The following MEF2A variants were observed in gnomAD, a reference collection of about 807,000 sequenced individuals.
The protein encoded by MEF2A is myocyte-specific enhancer factor 2A.
Under a neutral mutation model 55.8 loss-of-function variants are expected in MEF2A, and 28 were observed. The ratio of observed to expected loss-of-function variants is 0.50; its 90% CI spans 0.37 to 0.69. The LOEUF (loss-of-function observed/expected upper bound fraction) is 0.69, where lower values mean the gene tolerates loss of function less well. Among genes scored for constraint, MEF2A ranks in the 30% least tolerant of loss-of-function variants. The probability of loss-of-function intolerance (pLI) is 0.00; values close to 1 mark genes in which losing one functional copy is unlikely to be tolerated. For synonymous variants in MEF2A, 239 were observed against 227.1 expected, an observed-to-expected ratio of 1.05 and a Z score of -0.47; for missense variants, 528 against 626.2, an observed-to-expected ratio of 0.84 and a Z score of 1.67.
At chr15:99,669,353 T>A (rs1436185601) in intron 4 of MEF2A, among the ~76,000 whole-genome samples, 1 of 152,256 alleles carries the variant, frequency 6.6e-6, no homozygotes, top group Admixed American at 6.5e-5. Context: ...CTGTTTCTAG[T>A]GCTGTGTAGG....
intron 1 of MEF2A, among the ~76,000 whole-genome samples, chr15:99,585,994 G>C (rs759072234): frequency 6.6e-6 from 1 of 151,820 alleles, no homozygotes; most frequent in Non-Finnish European, 1.5e-5. Context: ...AAATGTTTTC[G>C]TGATTCATCT....
intron 7 of MEF2A, 110 bp from the exon 8 acceptor site, chr15:99,690,131 G>A: frequency 9.6e-7 from 1 of 1,038,802 alleles, no homozygotes; most frequent in Non-Finnish European, 1.4e-6. Context: ...CCTGTAGTGA[G>A]TTTTGTTATA....
chr15:99,612,932 A>G (rs1232286217), intron 2 of MEF2A, among the ~76,000 whole-genome samples: 1 of 152,132 alleles, frequency 6.6e-6, no homozygotes, highest in African/African-American at 2.4e-5. Flanking sequence ...AAAAAAGGAA[A>G]AGACCAAGAA....
chr15:99,579,935 A>G (rs951255454), intron 1 of MEF2A, among the ~76,000 whole-genome samples: 6 of 150,864 alleles, frequency 4.0e-5, no homozygotes, highest in Admixed American at 6.6e-5. Flanking sequence ...CCTTTTGCCC[A>G]TTTTTGCCTG....
intron 1 of MEF2A, among the ~76,000 whole-genome samples, chr15:99,587,556 C>G (rs1015279588): frequency 1.3e-5 from 2 of 152,168 alleles, no homozygotes; most frequent in Non-Finnish European, 2.9e-5. Flanking sequence ...ACAGTATTAA[C>G]TGAGTGTTCA....
At chr15:99,669,107 A>G (rs2050364464) in intron 4 of MEF2A, among the ~76,000 whole-genome samples, 1 of 152,234 alleles carries the variant, frequency 6.6e-6, no homozygotes, top group Non-Finnish European at 1.5e-5. Flanking sequence ...TAATTGTTGA[A>G]CAAAAGCTGC....
chr15:99,622,363 C>T (rs906449418), intron 2 of MEF2A, among the ~76,000 whole-genome samples: 1 of 152,134 alleles, frequency 6.6e-6, no homozygotes, highest in Non-Finnish European at 1.5e-5. Flanking sequence ...CATCTGTTTT[C>T]TAAAGGTAGA....
chr15:99,565,680 C>T (rs1239033746), upstream of MEF2A: 1 of 152,372 alleles, frequency 6.6e-6, no homozygotes, highest in Non-Finnish European at 1.5e-5. Flanking sequence ...GTGATCGTCT[C>T]CTCACCCACC....
intron 1 of MEF2A, among the ~76,000 whole-genome samples, chr15:99,580,246 G>A (rs1253162713): frequency 6.6e-6 from 1 of 152,016 alleles, no homozygotes; most frequent in African/African-American, 2.4e-5. Context: ...GACTTCCCCC[G>A]CCCCCCTCAC....
chr15:99,617,207 A>T (rs1428254494), intron 2 of MEF2A, among the ~76,000 whole-genome samples: 1 of 151,692 alleles, frequency 6.6e-6, no homozygotes, highest in East Asian at 1.9e-4. Flanking sequence ...TATCAGAAAC[A>T]GTCAACTTCA....
intron 4 of MEF2A, among the ~76,000 whole-genome samples, chr15:99,661,861 T>C (rs753490935): frequency 3.9e-5 from 6 of 152,086 alleles, no homozygotes; most frequent in African/African-American, 4.8e-5. Context: ...TTTTATAGAT[T>C]CAAAAGATTG....
At chr15:99,567,909 T>A (rs1425071398) in intron 1 of MEF2A, among the ~76,000 whole-genome samples, 1 of 152,222 alleles carries the variant, frequency 6.6e-6, no homozygotes, top group Non-Finnish European at 1.5e-5. Flanking sequence ...GATAATGGTG[T>A]TACAATAATC....
At chr15:99,574,346 G>C (rs1229160401) in intron 1 of MEF2A, among the ~76,000 whole-genome samples, 2 of 152,118 alleles carry the variant, frequency 1.3e-5, no homozygotes, top group Non-Finnish European at 2.9e-5. Flanking sequence ...CATGAATGGT[G>C]GGGGGAGGGG....
At chr15:99,703,327 G>C (rs1186194009) in intron 8 of MEF2A, 35 bp from the exon 9 acceptor site, 5 of 1,611,048 alleles carry the variant, frequency 3.1e-6, no homozygotes, top group Non-Finnish European at 4.2e-6. Context: ...AACAGTCTTA[G>C]TAACTCTCTT....
intron 4 of MEF2A, among the ~76,000 whole-genome samples, chr15:99,661,325 G>T (rs559235819): frequency 2.6e-5 from 4 of 151,486 alleles, no homozygotes; most frequent in African/African-American, 7.3e-5. Flanking sequence ...CTTATATAAG[G>T]CATAAAAATC....
Position 99,710,688 on chromosome 15 carries a change from G to C in MEF2A, c.1064G>C (p.Gly355Ala). ...LSALQGFNSP[G>A]MLSLGQVSAW... Reference sequence around the variant, plus strand: ...GCCCTTCAAGGCTTCAACTCGCCAGGAATGCTGTCGCTGGGACAGGTGTCG... The same window carrying C: ...GCCCTTCAAGGCTTCAACTCGCCAGCAATGCTGTCGCTGGGACAGGTGTCG... Residue 355 changes from glycine (G) to alanine (A), a missense_variant, in exon 11 of 12, where the codon GGA becomes GCA. This residue lies in a region of MEF2A where 450 missense variants were observed against 475.3 expected (regional missense o/e 0.95). Transcript: ENST00000557942. 6.2e-7 allele frequency: 1 copy of C among 1,613,650 alleles called. No individual in the cohort carries two copies. The highest frequency in any genetic ancestry group is 8.5e-7 in the Non-Finnish European group (1 of 1,179,562).
intron 7 of MEF2A, among the ~76,000 whole-genome samples, chr15:99,681,349 C>T (rs1361357678): frequency 3.3e-5 from 5 of 152,172 alleles, no homozygotes; most frequent in Non-Finnish European, 5.9e-5. Context: ...GATGGGATGG[C>T]GGAGGACAGC....
At chr15:99,567,627 CTGTGTGTGTGTGTGTGTG>C (rs370539645) in intron 1 of MEF2A, among the ~76,000 whole-genome samples, 36 of 143,776 alleles carry the variant, frequency 2.5e-4, no homozygotes, top group African/African-American at 9.0e-4. Flanking sequence ...TTTGTATGTA[CTGTGTGTGTGTGTGTGTG>C]TGTGTGTGTG....
intron 1 of MEF2A, among the ~76,000 whole-genome samples, chr15:99,573,149 G>A (rs185901833): frequency 3.9e-5 from 6 of 152,106 alleles, no homozygotes; most frequent in South Asian, 2.1e-4. Context: ...TTAGCCGGGC[G>A]TGGTGGTGGG....
Sources: gnomAD v4.1 joint callset for allele counts (sites outside exome capture counted in the v4.1 genomes callset) on GRCh38, gnomAD v4.1.1 for gene constraint, gnomAD v4.1.1 regional missense constraint, MANE v1.5 for transcripts, NCBI Gene and HGNC (gene_info 2026-07-23, HGNC 2026-07-21) for gene names.